The following TMEM132D variants were observed in gnomAD, a reference collection of about 807,000 sequenced individuals.
TMEM132D encodes the protein transmembrane protein 132D.
In TMEM132D, 21 loss-of-function variants were observed where a neutral mutation model predicts 62.3. The ratio of observed to expected loss-of-function variants is 0.34; its 90% CI spans 0.24 to 0.49. The LOEUF (loss-of-function observed/expected upper bound fraction) is 0.49. TMEM132D is among the 20% of genes least tolerant of loss of function. TMEM132D has a pLI of 0.99. For synonymous variants in TMEM132D, 621 were observed against 575.6 expected (o/e 1.08, Z -1.13); for missense variants, 1,346 against 1,402.8 (o/e 0.96, Z 0.65).
intron 1 of TMEM132D, among the ~76,000 whole-genome samples, chr12:129,891,329 G>T (rs372630854): frequency 6.6e-6 from 1 of 152,214 alleles, no homozygotes; most frequent in African/African-American, 2.4e-5. Context: ...AACTCATCTC[G>T]GGGCAAAGGA....
chr12:129,592,054 C>T (rs1878203506), intron 2 of TMEM132D, among the ~76,000 whole-genome samples: 1 of 152,064 alleles, frequency 6.6e-6, no homozygotes, highest in Admixed American at 6.6e-5. Flanking sequence ...TCTTTCTAAA[C>T]CACAATAATC....
chr12:129,775,962 T>C (rs1870908032), intron 1 of TMEM132D, among the ~76,000 whole-genome samples: 1 of 151,978 alleles, frequency 6.6e-6, no homozygotes, highest in African/African-American at 2.4e-5. Context: ...CAGGCTATCC[T>C]GCTTCAATAG....
At chr12:129,566,323 A>T (rs1365321977) in intron 2 of TMEM132D, among the ~76,000 whole-genome samples, 1 of 152,130 alleles carries the variant, frequency 6.6e-6, no homozygotes, top group Non-Finnish European at 1.5e-5. Context: ...GCATCTCAAC[A>T]TTGCAAACCA....
intron 1 of TMEM132D, among the ~76,000 whole-genome samples, chr12:129,877,613 G>GCGCGCACACACACACACACA (rs1555238201): frequency 6.9e-6 from 1 of 144,308 alleles, no homozygotes; most frequent in Non-Finnish European, 1.5e-5. Flanking sequence ...GCGCGCGCGC[G>GCGCGCACACACACACACACA]CACACACACA....
chr12:129,866,150 G>A (rs975124848), intron 1 of TMEM132D, among the ~76,000 whole-genome samples: 1 of 152,048 alleles, frequency 6.6e-6, no homozygotes, highest in East Asian at 1.9e-4. Flanking sequence ...TATTCACCAG[G>A]GAAATGCAAA....
Position 129,209,566 on chromosome 12 carries a change from A to C in TMEM132D, c.1397T>G (p.Leu466Arg), listed in dbSNP as rs868619372. 1 of 1,614,162 alleles carries C rather than the reference A, an allele frequency of 6.2e-7. No homozygotes were observed. Among genetic ancestry groups the C allele is most frequent in the African/African-American group, 1.3e-5 (1 of 75,056 alleles). The change falls in exon 5 of 9, where the codon CTG (leucine) becomes CGG (arginine). Residue 466 changes from leucine (L) to arginine (R), a missense_variant. Physicochemically the swap from Leu to Arg is moderately radical, Grantham distance 102. Coordinates refer to ENST00000422113, the MANE Select transcript of TMEM132D (RefSeq NM_133448.3). ...CGATCTACACTCCACAGACTCCAGC[A>C]GCTCTGTCACTGTGCCGTCGTCCTC... ...SVEDDGTVTE[L>R]LESVECRSSD... is the part of the protein sequence containing the mutation.
At chr12:129,596,689 C>T (rs1455108364) in intron 2 of TMEM132D, among the ~76,000 whole-genome samples, 6 of 151,790 alleles carry the variant, frequency 4.0e-5, no homozygotes, top group Non-Finnish European at 8.8e-5. Context: ...ATGACAATTC[C>T]TACTTTTGAA....
rs200761456 is a variant in TMEM132D at position 129,105,559 on chromosome 12, GAAA to G, written c.1444-20860_1444-20858del. ...AAAGTATAATAATAATAAAAAAAAA[GAAA>G]AAAAAAAGAAAAAAACAAACAACCC... On this transcript the variant is annotated intron_variant, in intron 5 of 8. Transcript: ENST00000422113. 5.0e-5 allele frequency among the ~76,000 whole-genome samples: 7 copies of G among 141,112 alleles called. 1 individual carries two copies. The highest frequency in any genetic ancestry group is 1.7e-4 in the African/African-American group (6 of 36,324). The allele number at this position is 141,112 out of a possible 152,430, so 92.6% of individuals were successfully genotyped here.
intron 4 of TMEM132D, among the ~76,000 whole-genome samples, chr12:129,285,727 T>C (rs1881278035): frequency 2.0e-5 from 3 of 152,168 alleles, no homozygotes; most frequent in African/African-American, 7.2e-5. Flanking sequence ...TACATTTAAA[T>C]CAAGCTGCCT....
chr12:129,566,995 T>G (rs1242278405), intron 2 of TMEM132D, among the ~76,000 whole-genome samples: 1 of 152,198 alleles, frequency 6.6e-6, no homozygotes, highest in African/African-American at 2.4e-5. Context: ...ACATCTTACG[T>G]GTATTGACTG....
At chr12:129,451,008 C>T (rs912491667) in intron 3 of TMEM132D, among the ~76,000 whole-genome samples, 11 of 152,068 alleles carry the variant, frequency 7.2e-5, no homozygotes, top group African/African-American at 2.4e-4. Context: ...GTGATCCACC[C>T]TCCTCAGCCT....
At chr12:129,426,136 C>T (rs550895588) in intron 3 of TMEM132D, among the ~76,000 whole-genome samples, 12 of 152,230 alleles carry the variant, frequency 7.9e-5, no homozygotes, top group Admixed American at 1.3e-4. Context: ...TCATTTTTCT[C>T]GAAGGGTCTG....
chr12:129,287,892 T>G (rs965476642), intron 4 of TMEM132D, among the ~76,000 whole-genome samples: 2 of 152,228 alleles, frequency 1.3e-5, no homozygotes, highest in African/African-American at 2.4e-5. Flanking sequence ...TTTGTTCTGA[T>G]GCATTGGTCT....
At chr12:129,772,495 C>T (rs747542178) in intron 1 of TMEM132D, among the ~76,000 whole-genome samples, 1 of 152,126 alleles carries the variant, frequency 6.6e-6, no homozygotes, top group Non-Finnish European at 1.5e-5. Context: ...ATCCAGCCCA[C>T]GACTCCTGGA....
In TMEM132D at chr12:129,418,374, G is replaced by A. The variant is rs565171175; in HGVS notation, c.1116-80557C>T. On this transcript the variant is annotated intron_variant, in intron 3 of 8. Coordinates refer to ENST00000422113, the MANE Select transcript of TMEM132D (RefSeq NM_133448.3). ...ACACATATACACCATGGAATACTAT[G>A]CAGCCATAAAAAAGGATGAGTTCAT... 6.6e-5 allele frequency among the ~76,000 whole-genome samples: 10 copies of A among 152,296 alleles called. No homozygotes were observed. In the East Asian group the frequency reaches 1.9e-3, roughly 29 times the overall value.
At chr12:129,183,553 G>A (rs1284945369) in intron 5 of TMEM132D, among the ~76,000 whole-genome samples, 5 of 152,192 alleles carry the variant, frequency 3.3e-5, no homozygotes, top group Admixed American at 6.5e-5. Flanking sequence ...TGGGCCTGAG[G>A]TTGATGCCAA....
At chr12:129,184,089 G>A (rs1026053812) in intron 5 of TMEM132D, among the ~76,000 whole-genome samples, 7 of 152,114 alleles carry the variant, frequency 4.6e-5, no homozygotes, top group East Asian at 1.9e-4. Flanking sequence ...CCTTAGGAAC[G>A]CCCTCTGAAG....
chr12:129,823,077 A>T (rs1417500805), intron 1 of TMEM132D, among the ~76,000 whole-genome samples: 3 of 152,142 alleles, frequency 2.0e-5, no homozygotes, highest in African/African-American at 7.2e-5. Context: ...GTTGTTTAAA[A>T]GTATGTGGCA....
At chr12:129,150,153 G>C (rs768701492) in intron 5 of TMEM132D, among the ~76,000 whole-genome samples, 27 of 152,172 alleles carry the variant, frequency 1.8e-4, no homozygotes, top group Admixed American at 1.7e-3. Context: ...GCTCACTCCC[G>C]GCAATCTGGG....
Sources: allele counts gnomAD v4.1 joint callset (sites outside exome capture counted in the v4.1 genomes callset), GRCh38; gene constraint gnomAD v4.1.1; transcripts MANE v1.5; gene names NCBI Gene and HGNC (gene_info 2026-07-23, HGNC 2026-07-21).